The following DLGAP2 variants were observed in gnomAD, a reference collection of about 807,000 sequenced individuals.
DLGAP2 encodes the protein DLG associated protein 2.
Under a neutral mutation model 100.3 loss-of-function variants are expected in DLGAP2, and 26 were observed. The ratio of observed to expected loss-of-function variants is 0.26; its 90% CI spans 0.19 to 0.36. DLGAP2 has a LOEUF of 0.36. DLGAP2 is among the 10% of genes least tolerant of loss of function. The probability of loss-of-function intolerance (pLI) is 1.00; values close to 1 mark genes in which losing one functional copy is unlikely to be tolerated. For synonymous variants in DLGAP2, 886 were observed against 630.1 expected (o/e 1.41, Z -6.08); for missense variants, 1,858 against 1,453.2 (o/e 1.28, Z -4.53).
intron 4 of DLGAP2, among the ~76,000 whole-genome samples, chr8:1,539,350 G>A (rs1275402436): frequency 6.6e-6 from 1 of 152,132 alleles, no homozygotes; most frequent in African/African-American, 2.4e-5. Flanking sequence ...AGTCCATCTG[G>A]GTGAGGACTC....
chr8:1,285,642 T>G (rs574060304), intron 3 of DLGAP2, among the ~76,000 whole-genome samples: 22 of 152,354 alleles, frequency 1.4e-4, no homozygotes, highest in African/African-American at 5.3e-4. Context: ...AAGCTTGTTA[T>G]AGGTTGCTTT....
rs562616236 is a variant in DLGAP2 at position 1,385,593 on chromosome 8, G to C, written c.107-115773G>C. On this transcript the variant is annotated intron_variant, in intron 3 of 14. Transcript: ENST00000637795. ...GTGCACAATTACCCGGCCTGTGCCC[G>C]TCCCCTGAGAACTTGGTGCACAGTT... Among the ~76,000 whole-genome samples the C allele has an allele frequency of 8.7e-4, 40 of 46,000 alleles. 6 individuals are homozygous for C. The highest frequency in any genetic ancestry group is 2.0e-3 in the Admixed American group (9 of 4,468). The allele number at this position is 46,000 out of a possible 152,430, so 30.2% of individuals were successfully genotyped here.
intron 4 of DLGAP2, among the ~76,000 whole-genome samples, chr8:1,545,316 A>G (rs1801496998): frequency 1.3e-5 from 2 of 152,164 alleles, no homozygotes; most frequent in African/African-American, 2.4e-5. Flanking sequence ...TGCATTCTTC[A>G]TATTTTTATT....
intron 4 of DLGAP2, among the ~76,000 whole-genome samples, chr8:1,530,152 A>C (rs184971100): frequency 2.6e-5 from 4 of 152,102 alleles, no homozygotes; most frequent in African/African-American, 9.7e-5. Flanking sequence ...TCCTCTTCCT[A>C]ATAAGCCTGG....
intron 6 of DLGAP2, among the ~76,000 whole-genome samples, chr8:1,586,466 TTCC>T (rs780384356): frequency 1.3e-5 from 2 of 152,202 alleles, no homozygotes; most frequent in African/African-American, 2.4e-5. Flanking sequence ...TTGCTCTGCC[TTCC>T]TCTTCTGCTT....
intron 2 of DLGAP2, among the ~76,000 whole-genome samples, chr8:1,220,734 A>G (rs1206159668): frequency 6.6e-6 from 1 of 152,154 alleles, no homozygotes; most frequent in African/African-American, 2.4e-5. Context: ...TGTGGTTATC[A>G]AAGTCTTTTC....
intron 12 of DLGAP2, among the ~76,000 whole-genome samples, chr8:1,682,675 T>C (rs569664907): frequency 3.3e-5 from 5 of 151,574 alleles, no homozygotes; most frequent in African/African-American, 1.2e-4. Context: ...AGTTTCACCA[T>C]GTTGGCCAGG....
Position 1,355,968 on chromosome 8 carries a change from C to G in DLGAP2, c.106+97085C>G, listed in dbSNP as rs974591234. Among the ~76,000 whole-genome samples the G allele has an allele frequency of 2.0e-5, 3 of 152,100 alleles. No individual in the cohort carries two copies. In the East Asian group the frequency reaches 5.8e-4, roughly 29 times the overall value. On this transcript the variant is annotated intron_variant, in intron 3 of 14. Coordinates refer to ENST00000637795, the MANE Select transcript of DLGAP2 (RefSeq NM_001346810.2). ...ATGCGTGTTGGGAAGCACCGGTGGC[C>G]TCACCCAAGGCTCCGCATTTGGGTG...
intron 3 of DLGAP2, among the ~76,000 whole-genome samples, chr8:1,313,937 A>G (rs900132900): frequency 6.6e-6 from 1 of 152,100 alleles, no homozygotes; most frequent in South Asian, 2.1e-4. Flanking sequence ...ACACAAAATG[A>G]TCACACTTCA....
At chr8:875,048 T>C (rs1051916977) in intron 1 of DLGAP2, among the ~76,000 whole-genome samples, 1 of 152,230 alleles carries the variant, frequency 6.6e-6, no homozygotes, top group African/African-American at 2.4e-5. Flanking sequence ...TTTTGTCTGA[T>C]ATCAATGTAG....
At chr8:1,075,266 G>C (rs1437851369) in intron 2 of DLGAP2, among the ~76,000 whole-genome samples, 1 of 152,176 alleles carries the variant, frequency 6.6e-6, no homozygotes, top group Non-Finnish European at 1.5e-5. Context: ...CTCTTGTTGA[G>C]GAGCGTGAGG....
chr8:1,198,205 T>G (rs17065804), intron 2 of DLGAP2, among the ~76,000 whole-genome samples: 7,588 of 152,104 alleles, frequency 0.05, 280 homozygotes, highest in South Asian at 0.086. Context: ...AGGAGCAATT[T>G]CCTTGAGGAT....
At chr8:1,383,585 T>G (rs149984898) in intron 3 of DLGAP2, among the ~76,000 whole-genome samples, 1,763 of 152,262 alleles carry the variant, frequency 0.012, 36 homozygotes, top group African/African-American at 0.04. Context: ...GTTGTATTTT[T>G]GGGGAGGCTC....
At chr8:1,662,206 T>C (rs1293598434) in intron 8 of DLGAP2, among the ~76,000 whole-genome samples, 1 of 152,256 alleles carries the variant, frequency 6.6e-6, no homozygotes, top group Non-Finnish European at 1.5e-5. Flanking sequence ...CAAAATAATT[T>C]TCATTGATTT....
intron 3 of DLGAP2, among the ~76,000 whole-genome samples, chr8:1,478,708 G>C (rs921084802): frequency 6.6e-6 from 1 of 152,078 alleles, no homozygotes; most frequent in Non-Finnish European, 1.5e-5. Flanking sequence ...GACCTGGTCC[G>C]GGACATGGCA....
At chr8:766,066 C>T (rs913156854) in intron 1 of DLGAP2, among the ~76,000 whole-genome samples, 10 of 152,170 alleles carry the variant, frequency 6.6e-5, no homozygotes, top group African/African-American at 2.4e-4. Flanking sequence ...ACTTGGGAGG[C>T]TGAGGCAGGA....
intron 3 of DLGAP2, among the ~76,000 whole-genome samples, chr8:1,264,641 C>G (rs917064628): frequency 6.6e-6 from 1 of 152,230 alleles, no homozygotes; most frequent in Middle Eastern, 3.4e-3. Flanking sequence ...ACTATGTACA[C>G]AGAATTCTTG....
intron 2 of DLGAP2, among the ~76,000 whole-genome samples, chr8:1,190,298 C>G (rs779341221): frequency 1.3e-5 from 2 of 152,188 alleles, no homozygotes; most frequent in Non-Finnish European, 2.9e-5. Flanking sequence ...TGCCCTCCAT[C>G]TCCTCTGTTG....
At chr8:1,446,037 A>G (rs1290337282) in intron 3 of DLGAP2, among the ~76,000 whole-genome samples, 19 of 151,370 alleles carry the variant, frequency 1.3e-4, no homozygotes, top group African/African-American at 3.4e-4. Context: ...CCCATTTTGT[A>G]GGTTGCCTGT....
Sources: gnomAD v4.1 joint callset for allele counts (sites outside exome capture counted in the v4.1 genomes callset) on GRCh38, gnomAD v4.1.1 for gene constraint, MANE v1.5 for transcripts, NCBI Gene and HGNC (gene_info 2026-07-23, HGNC 2026-07-21) for gene names.